Variants in CFAP92 observed in about 807,000 individuals in gnomAD.
The protein encoded by CFAP92 is cilia and flagella associated protein 92 (putative), also known as uncharacterized protein CFAP92.
In CFAP92, 86 loss-of-function variants were observed where a neutral mutation model predicts 106.3. The observed-to-expected ratio is 0.81, with a 90% CI of 0.68 to 0.97. The LOEUF is 0.97. Among genes scored for constraint, CFAP92 ranks in the 50% least tolerant of loss-of-function variants. CFAP92 has a pLI of 0.00. For synonymous variants in CFAP92, 477 were observed against 506.4 expected, an observed-to-expected ratio of 0.94 and a Z score of 0.78; for missense variants, 1,204 against 1,283.8, an observed-to-expected ratio of 0.94 and a Z score of 0.95.
Position 128,924,605 on chromosome 3 carries a change from C to T in CFAP92, c.2751+8095G>A, listed in dbSNP as rs144791309. ...GATTACAGTCATGTACCACCACGTCCGGCTCATTTTGTATTTTTTTTAGCA... is the reference window on the plus strand; with the variant it reads ...GATTACAGTCATGTACCACCACGTCTGGCTCATTTTGTATTTTTTTTAGCA... On this transcript the variant is annotated intron_variant, in intron 12 of 15. Coordinates refer to ENST00000645291, the MANE Select transcript of CFAP92 (RefSeq NM_001394090.1). 7.5e-4 allele frequency among the ~76,000 whole-genome samples: 102 copies of T among 136,780 alleles called. 1 individual carries two copies. Among genetic ancestry groups the T allele is most frequent in the Middle Eastern group, 3.7e-3 (1 of 272 alleles). 89.7% of individuals were successfully genotyped at this position (136,780 alleles called of 152,430 possible). A position where few individuals can be genotyped will look rare whatever the true frequency, so the allele number is the denominator to read the frequency against.
chr3:128,923,782 GTTACTC>G (rs1337465525), intron 12 of CFAP92, among the ~76,000 whole-genome samples: 1 of 152,188 alleles, frequency 6.6e-6, no homozygotes, highest in Non-Finnish European at 1.5e-5. Flanking sequence ...AATAGGAAAT[GTTACTC>G]TTAAATGCCA....
intron 15 of CFAP92, among the ~76,000 whole-genome samples, chr3:128,911,047 GTA>G (rs1043092053): frequency 1.3e-5 from 2 of 151,862 alleles, no homozygotes; most frequent in African/African-American, 4.8e-5. Context: ...GTGTGTGTGT[GTA>G]TGTATGTATG....
intron 1 of CFAP92, chr3:129,002,365 G>T (rs1326374586): frequency 2.0e-6 from 3 of 1,490,678 alleles, no homozygotes. Context: ...ACGCCCGGGA[G>T]AGGGCTCGAA....
intron 10 of CFAP92, among the ~76,000 whole-genome samples, chr3:128,936,322 C>T (rs926988069): frequency 2.0e-5 from 3 of 152,220 alleles, no homozygotes; most frequent in African/African-American, 7.2e-5. Flanking sequence ...TTTCTTTCCA[C>T]TGGGAGTTTT....
rs567179266 is a variant in CFAP92 at position 128,978,832 on chromosome 3, C to G, written c.668-647G>C. Among the ~76,000 whole-genome samples, 167 of 152,260 alleles carry G rather than the reference C, an allele frequency of 1.1e-3. 1 individual carries two copies. Among genetic ancestry groups the G allele is most frequent in the African/African-American group, 3.9e-3 (163 of 41,560 alleles). The stretch of plus-strand genomic sequence containing the variant: ...AGATGGATTGAAGACTTAAATGTTA[C>G]ACCTAAAACCATAAAAACCCTAGAA... On this transcript the variant is annotated intron_variant, in intron 4 of 15. Transcript: ENST00000645291.
Position 128,932,857 on chromosome 3 carries a change from A to G in CFAP92, c.2594T>C (p.Leu865Pro), listed in dbSNP as rs112416005. ...LSQEELTDEKLFALPPQPAPN... is the reference protein window; with the variant it reads ...LSQEELTDEKPFALPPQPAPN... ...GGCAGGCTGAGGTGGTAGGGCAAAC[A>G]GTTTCTCATCTGTGAGTTCTTCTTG... The change falls in exon 12 of 16, where the codon CTG (leucine) becomes CCG (proline). Residue 865 changes from leucine (L) to proline (P), a missense_variant. Physicochemically the swap from Leu to Pro is moderately conservative, Grantham distance 98. Coordinates refer to ENST00000645291, the MANE Select transcript of CFAP92 (RefSeq NM_001394090.1). The G allele has an allele frequency of 5.2e-5, 80 of 1,536,200 alleles. No individual in the cohort carries two copies. The African/African-American group carries it at 6.2e-4, about 12-fold the overall frequency.
chr3:129,000,432 T>C (rs1944669303), intron 1 of CFAP92, among the ~76,000 whole-genome samples: 1 of 152,168 alleles, frequency 6.6e-6, no homozygotes, highest in South Asian at 2.1e-4. Context: ...AGATTTTACA[T>C]TTAAACTCAC....
chr3:128,980,402 G>C (rs766305641), intron 4 of CFAP92, among the ~76,000 whole-genome samples: 1 of 149,432 alleles, frequency 6.7e-6, no homozygotes, highest in South Asian at 2.1e-4. Context: ...ACACTCATCT[G>C]AGCCTGTGGG....
At chr3:128,929,709 T>C (rs1198266782) in intron 12 of CFAP92, among the ~76,000 whole-genome samples, 2 of 152,210 alleles carry the variant, frequency 1.3e-5, no homozygotes, top group East Asian at 3.8e-4. Context: ...ACCTGAAATA[T>C]TCAGACAAGT....
chr3:129,002,682 C>G (rs1299605862), exon 1 of CFAP92: 1 of 281,520 alleles, frequency 3.6e-6, no homozygotes, highest in East Asian at 6.5e-5. Context: ...ATCTTTCTCT[C>G]TCCTTCCTGC....
upstream of CFAP92, among the ~76,000 whole-genome samples, chr3:129,005,043 T>A (rs1380226893): frequency 6.6e-6 from 1 of 152,106 alleles, no homozygotes; most frequent in Non-Finnish European, 1.5e-5. Flanking sequence ...TCTCTCCCTT[T>A]CAAATCACAA....
rs1455849317 is a variant in CFAP92 at position 128,975,842 on chromosome 3, C to T, written c.958G>A (p.Glu320Lys). The T allele has an allele frequency of 1.2e-6, 2 of 1,609,792 alleles. No individual in the cohort carries two copies. The highest frequency in any genetic ancestry group is 4.5e-5 in the East Asian group (2 of 44,776). Residue 320 changes from glutamate to lysine, a missense_variant, in exon 7 of 16, where the codon GAA becomes AAA. Transcript: ENST00000645291. ...CTAAGTGATTCACTCTCAATTAATT[C>T]CTTGATCTCCATCATGCTTGCTCCT... ...LAGASMMEIK[E>K]LIESESLSSL... is the part of the protein sequence containing the mutation.
chr3:128,997,976 T>C (rs989416171), upstream of CFAP92, among the ~76,000 whole-genome samples: 8 of 152,348 alleles, frequency 5.3e-5, no homozygotes, highest in African/African-American at 1.9e-4. Flanking sequence ...ATTGCCTGTT[T>C]TATTCACTAC....
rs938482129 is a variant in CFAP92, at chr3:128,963,391, A to G, written c.1353+2120T>C. Among the ~76,000 whole-genome samples the G allele has an allele frequency of 5.9e-5, 9 of 152,322 alleles. No individual in the cohort carries two copies. In the East Asian group the frequency reaches 1.2e-3, roughly 20 times the overall value. Reference sequence around the variant, plus strand: ...AATACTGTTAGAGGCCCTAAAAGTCACAAACTATGCTCAACTCACTCTCTA... The same window carrying G: ...AATACTGTTAGAGGCCCTAAAAGTCGCAAACTATGCTCAACTCACTCTCTA... On this transcript the variant is annotated intron_variant, in intron 9 of 15. Coordinates refer to ENST00000645291, the MANE Select transcript of CFAP92 (RefSeq NM_001394090.1).
chr3:128,937,337 G>A (rs544725526), intron 10 of CFAP92, among the ~76,000 whole-genome samples: 3 of 144,390 alleles, frequency 2.1e-5, no homozygotes, highest in East Asian at 2.0e-4. Flanking sequence ...AAAAAACCAC[G>A]CGTAGTGGTT....
At chr3:129,023,149 T>C in the CFAP92 span, among the ~76,000 whole-genome samples, 2 of 152,214 alleles carry the variant, frequency 1.3e-5, no homozygotes, top group Non-Finnish European at 2.9e-5. Context: ...AAGTCATGAA[T>C]TGGGCAGCTG....
At chr3:128,961,157 A>G (rs564873520) in intron 9 of CFAP92, among the ~76,000 whole-genome samples, 2 of 152,308 alleles carry the variant, frequency 1.3e-5, no homozygotes, top group East Asian at 3.9e-4. Flanking sequence ...AGAAAATGGC[A>G]CTTTAAATTT....
chr3:128,974,168 A>G (rs1942997813), intron 7 of CFAP92, among the ~76,000 whole-genome samples: 1 of 152,226 alleles, frequency 6.6e-6, no homozygotes, highest in Non-Finnish European at 1.5e-5. Context: ...GCCTGGCTCA[A>G]GCAGTCACTT....
Position 128,916,162 on chromosome 3 carries a change from T to C in CFAP92, c.2861A>G (p.Gln954Arg), listed in dbSNP as rs1051662237. The change falls in exon 13 of 16, where the codon CAG becomes CGG. Residue 954 changes from glutamine (Q) to arginine (R), a missense_variant. Transcript: ENST00000645291. Reference protein sequence around the residue: ...ANKAVYNYSTQTMNSTELAKK... With the variant: ...ANKAVYNYSTRTMNSTELAKK... ...GGCAAGCTCTGTAGAATTCATGGTC[T>C]GGGTACTATAGTTGTAGACGGCCTT... 1.6e-6 allele frequency: 2 copies of C among 1,232,098 alleles called. No homozygotes were observed. Among genetic ancestry groups the C allele is most frequent in the African/African-American group, 3.1e-5 (2 of 64,436 alleles). 76.3% of individuals were successfully genotyped at this position (1,232,098 alleles called of 1,614,324 possible). A position where few individuals can be genotyped will look rare whatever the true frequency, so the allele number is the denominator to read the frequency against.
Sources: allele counts gnomAD v4.1 joint callset (sites outside exome capture counted in the v4.1 genomes callset), GRCh38; gene constraint gnomAD v4.1.1; transcripts MANE v1.5; gene names NCBI Gene and HGNC (gene_info 2026-07-23, HGNC 2026-07-21).